Variants in SULT6B1 observed in about 807,000 individuals in gnomAD.
SULT6B1 encodes sulfotransferase family 6B member 1, also known as sulfotransferase 6B1.
Under a neutral mutation model 37.2 loss-of-function variants are expected in SULT6B1, and 44 were observed. The ratio of observed to expected loss-of-function variants is 1.18; its 90% confidence interval spans 0.93 to 1.52. The LOEUF (loss-of-function observed/expected upper bound fraction) is 1.52. SULT6B1 is among the 40% of genes most tolerant of loss of function. The probability of loss-of-function intolerance (pLI) is 0.00; values close to 1 mark genes in which losing one functional copy is unlikely to be tolerated. For missense variants in SULT6B1, 450 were observed against 361.0 expected (o/e 1.25, Z -2.00); for synonymous variants, 140 against 126.0 (o/e 1.11, Z -0.74).
intron 4 of SULT6B1, among the ~76,000 whole-genome samples, chr2:37,176,046 G>C (rs538598080): frequency 2.6e-5 from 4 of 151,934 alleles, no homozygotes; most frequent in Non-Finnish European, 5.9e-5. Context: ...CAAGTGCTCC[G>C]TTGTCACATA....
At position 37,188,441 on chromosome 2, in the gene SULT6B1, C is replaced by T. The variant is rs776178389; in HGVS notation, c.199+1G>A. Reference sequence around the variant, plus strand: ...CTTGTAGGAAACGACTTGTCATTTACCGCACTTTGGATAAGATGCTAGCAC... The same window carrying T: ...CTTGTAGGAAACGACTTGTCATTTATCGCACTTTGGATAAGATGCTAGCAC... On this transcript the variant is annotated splice_donor_variant, in intron 1 of 6. Coordinates refer to ENST00000535679, the MANE Select transcript of SULT6B1 (RefSeq NM_001367551.1). LOFTEE classifies it high-confidence loss of function. 1.4e-5 allele frequency: 22 copies of T among 1,612,382 alleles called. No individual in the cohort carries two copies. Among genetic ancestry groups the T allele is most frequent in the South Asian group, 8.8e-5 (8 of 90,850 alleles).
chr2:37,187,125 C>T (rs867558346), intron 2 of SULT6B1, among the ~76,000 whole-genome samples: 8 of 152,172 alleles, frequency 5.3e-5, no homozygotes, highest in Middle Eastern at 3.2e-3. Context: ...TTTATTAGTC[C>T]CTTGACCTTG....
At chr2:37,193,642 GAA>G (rs1676832146), upstream of SULT6B1, among the ~76,000 whole-genome samples, 1 of 150,462 alleles carries the variant, frequency 6.6e-6, no homozygotes, top group African/African-American at 2.4e-5. Context: ...AGAAGAAGAA[GAA>G]GAAGAAGGAG....
chr2:37,181,005 T>A (rs567208384), intron 3 of SULT6B1, among the ~76,000 whole-genome samples: 2 of 152,352 alleles, frequency 1.3e-5, no homozygotes, highest in African/African-American at 4.8e-5. Flanking sequence ...AATGTTTTAA[T>A]GAATCATTTA....
At chr2:37,191,735 GA>G (rs1386171682), upstream of SULT6B1, among the ~76,000 whole-genome samples, 1 of 152,112 alleles carries the variant, frequency 6.6e-6, no homozygotes, top group Non-Finnish European at 1.5e-5. Context: ...AGGTGGGTAC[GA>G]AAAAAACTGT....
intron 2 of SULT6B1, 39 bp downstream of exon 2, chr2:37,187,316 T>C (rs1432390359): frequency 2.3e-6 from 3 of 1,303,082 alleles, no homozygotes; most frequent in South Asian, 2.5e-5. Flanking sequence ...AATCTTTCTA[T>C]GATAATTTGC....
In SULT6B1 at chr2:37,175,242, G is replaced by T. The variant is rs548732094; in HGVS notation, c.530-16C>A. 1.7e-5 allele frequency: 25 copies of T among 1,459,738 alleles called. No individual in the cohort carries two copies. The South Asian group carries it at 3.3e-4, about 19-fold the overall frequency. 90.4% of individuals were successfully genotyped at this position (1,459,738 alleles called of 1,614,324 possible). On this transcript the variant is annotated splice_polypyrimidine_tract_variant and intron_variant, in intron 4 of 6. Coordinates refer to ENST00000535679, the MANE Select transcript of SULT6B1 (RefSeq NM_001367551.1). ...CCCCAAGAAACTAAAAACACAGGGGGGAAGACTTTAAGAAATGTCAAATAA... is the reference window on the plus strand; with the variant it reads ...CCCCAAGAAACTAAAAACACAGGGGTGAAGACTTTAAGAAATGTCAAATAA...
chr2:37,179,734 G>T (rs1181877538), intron 3 of SULT6B1, 150 bp from the exon 4 acceptor site: 2 of 645,340 alleles, frequency 3.1e-6, no homozygotes, highest in Non-Finnish European at 5.0e-6. Context: ...CTGAGGAACA[G>T]GAGGTGGCTG....
chr2:37,188,973 A>T (rs1394124265), upstream of SULT6B1, among the ~76,000 whole-genome samples: 1 of 152,158 alleles, frequency 6.6e-6, no homozygotes, highest in Non-Finnish European at 1.5e-5. Context: ...CAGGCATGCA[A>T]TTTTTCTATT....
At chr2:37,195,747 G>A (rs995896101) in intron 1 of SULT6B1, among the ~76,000 whole-genome samples, 1 of 151,812 alleles carries the variant, frequency 6.6e-6, no homozygotes, top group East Asian at 1.9e-4. Flanking sequence ...TGTCCCCTTC[G>A]CGCTTTCTCA....
At chr2:37,171,624 C>T in intron 5 of SULT6B1, 34 bp from the exon 6 acceptor site, 1 of 1,601,066 alleles carries the variant, frequency 6.2e-7, no homozygotes, top group Middle Eastern at 1.8e-4. Flanking sequence ...TAAATTTCTT[C>T]CTATGGAAAT....
chr2:37,178,485 C>T (rs778176788), intron 4 of SULT6B1, among the ~76,000 whole-genome samples: 2 of 152,184 alleles, frequency 1.3e-5, no homozygotes, highest in Non-Finnish European at 2.9e-5. Context: ...ATCCGCCCGC[C>T]TCGGCCTCCC....
In SULT6B1 at chr2:37,188,669, G is replaced by A. The variant is rs1223943378; in HGVS notation, c.-29C>T. ...GGCTCCCTGTAAAAGAACCTGCTCTGTGGCTGTTCAGGGGGAGTGATTGCT... is the reference window on the plus strand; with the variant it reads ...GGCTCCCTGTAAAAGAACCTGCTCTATGGCTGTTCAGGGGGAGTGATTGCT... On this transcript the variant is annotated 5_prime_UTR_variant, in exon 1 of 7. Transcript: ENST00000535679. 1.2e-6 allele frequency: 1 copy of A among 824,700 alleles called. No individual in the cohort carries two copies. Among genetic ancestry groups the A allele is most frequent in the East Asian group, 2.7e-5 (1 of 37,232 alleles). The allele number at this position is 824,700 out of a possible 1,614,324, so 51.1% of individuals were successfully genotyped here.
intron 4 of SULT6B1, among the ~76,000 whole-genome samples, chr2:37,176,588 T>G (rs1373948017): frequency 1.3e-5 from 2 of 152,132 alleles, no homozygotes; most frequent in African/African-American, 2.4e-5. Context: ...ATTAATAATA[T>G]CATAGTTATT....
At chr2:37,185,739 A>C (rs909472038) in intron 2 of SULT6B1, among the ~76,000 whole-genome samples, 1 of 145,674 alleles carries the variant, frequency 6.9e-6, no homozygotes, top group African/African-American at 2.5e-5. Flanking sequence ...AAAAAAAAAC[A>C]GAGAGAGAGA....
chr2:37,174,480 G>T (rs939000686), intron 5 of SULT6B1, among the ~76,000 whole-genome samples: 4 of 151,866 alleles, frequency 2.6e-5, no homozygotes, highest in African/African-American at 9.7e-5. Context: ...TTGTAGGCAT[G>T]AACCACCACA....
At chr2:37,185,505 T>A (rs1676652092) in intron 2 of SULT6B1, among the ~76,000 whole-genome samples, 1 of 151,898 alleles carries the variant, frequency 6.6e-6, no homozygotes, top group East Asian at 1.9e-4. Flanking sequence ...TCACTTGAGG[T>A]CAGGAGTTTG....
chr2:37,183,313 A>C (rs1676595967), intron 3 of SULT6B1, 112 bp downstream of exon 3: 1 of 818,988 alleles, frequency 1.2e-6, no homozygotes, highest in Non-Finnish European at 1.9e-6. Context: ...ACTAAATGTC[A>C]CAGTTCATTT....
rs765154785 is a variant in SULT6B1 at position 37,167,895 on chromosome 2, A to G, written c.*40T>C. The G allele has an allele frequency of 1.3e-6, 2 of 1,506,636 alleles. No individual in the cohort carries two copies. Among genetic ancestry groups the G allele is most frequent in the African/African-American group, 1.4e-5 (1 of 69,790 alleles). The allele number at this position is 1,506,636 out of a possible 1,614,324, so 93.3% of individuals were successfully genotyped here. A position where few individuals can be genotyped will look rare whatever the true frequency, so the allele number is the denominator to read the frequency against. ...ATTTAATTATTTACACTTAATTATT[A>G]TTAAGGAAAATAAATCTAGGCCTGC... On this transcript the variant is annotated 3_prime_UTR_variant, in exon 7 of 7. Coordinates refer to ENST00000535679, the MANE Select transcript of SULT6B1 (RefSeq NM_001367551.1).
Sources: allele counts gnomAD v4.1 joint callset (sites outside exome capture counted in the v4.1 genomes callset), GRCh38; gene constraint gnomAD v4.1.1; transcripts MANE v1.5; gene names NCBI Gene and HGNC (gene_info 2026-07-23, HGNC 2026-07-21).